The following MACROD2 variants were observed in gnomAD, a reference collection of about 807,000 sequenced individuals.
MACROD2 encodes mono-ADP ribosylhydrolase 2, also known as ADP-ribose glycohydrolase MACROD2.
In MACROD2, 36 loss-of-function variants were observed where a neutral mutation model predicts 70.4. The ratio of observed to expected loss-of-function variants is 0.51; its 90% CI spans 0.39 to 0.68. The LOEUF (loss-of-function observed/expected upper bound fraction) is 0.68. Among genes scored for constraint, MACROD2 ranks in the 30% least tolerant of loss-of-function variants. The pLI, the probability that MACROD2 is intolerant of heterozygous loss-of-function variation, is 0.00. For synonymous variants in MACROD2, 172 were observed against 178.8 expected (o/e 0.96, Z 0.30); for missense variants, 496 against 538.4 (o/e 0.92, Z 0.78).
Position 15,336,143 on chromosome 20 carries a change from G to T in MACROD2, c.541-95262G>T, listed in dbSNP as rs79020525. ...ATTTCTTGAGCACTGGTTGAGCATC[G>T]TGTTAGTAAAATTAAATGTTAATCT... On this transcript the variant is annotated intron_variant, in intron 6 of 17. Transcript: ENST00000684519. Among the ~76,000 whole-genome samples, 3 of 151,594 alleles carry T rather than the reference G, an allele frequency of 2.0e-5. No individual in the cohort carries two copies. In the East Asian group the frequency reaches 5.8e-4, roughly 29 times the overall value.
intron 15 of MACROD2, among the ~76,000 whole-genome samples, chr20:16,003,065 A>G (rs1201551118): frequency 7.9e-6 from 1 of 126,462 alleles, no homozygotes; most frequent in Non-Finnish European, 1.6e-5. Context: ...AACAAAATAG[A>G]AAACCCACCC....
chr20:15,890,715 A>G (rs878962103), intron 10 of MACROD2, among the ~76,000 whole-genome samples: 24 of 152,192 alleles, frequency 1.6e-4, no homozygotes, highest in African/African-American at 5.8e-4. Context: ...CAAAGTTTTT[A>G]ATAGCACATC....
chr20:14,873,878 A>C (rs768122172), intron 5 of MACROD2, among the ~76,000 whole-genome samples: 21 of 152,146 alleles, frequency 1.4e-4, no homozygotes, highest in Non-Finnish European at 2.9e-4. Flanking sequence ...TAAGTAAATA[A>C]AAATAAAATA....
At chr20:15,295,976 A>T (rs893930878) in intron 6 of MACROD2, among the ~76,000 whole-genome samples, 2 of 152,210 alleles carry the variant, frequency 1.3e-5, no homozygotes, top group Non-Finnish European at 2.9e-5. Flanking sequence ...CAGCATGAGC[A>T]CAATCCTATA....
rs1038856647 is a variant in MACROD2 at position 14,179,506 on chromosome 20, C to A, written c.271+93778C>A. Among the ~76,000 whole-genome samples the A allele has an allele frequency of 2.8e-4, 42 of 152,048 alleles. 2 individuals are homozygous for A. Among genetic ancestry groups the A allele is most frequent in the Non-Finnish European group, 5.9e-5 (4 of 67,998 alleles). On this transcript the variant is annotated intron_variant, in intron 3 of 17. Transcript: ENST00000684519. ...TACTATTCTGTCTATCTACTGTGGCCATTCTCCAATTTGCCATTGATTGAT... is the reference window on the plus strand; with the variant it reads ...TACTATTCTGTCTATCTACTGTGGCAATTCTCCAATTTGCCATTGATTGAT...
chr20:15,278,309 C>T (rs1330888442), intron 6 of MACROD2, among the ~76,000 whole-genome samples: 1 of 152,162 alleles, frequency 6.6e-6, no homozygotes, highest in Admixed American at 6.5e-5. Context: ...AAATGACACA[C>T]CTAACCCAAC....
At chr20:15,264,592 GAATGGAGGAACC>G (rs1458220574) in intron 6 of MACROD2, among the ~76,000 whole-genome samples, 1 of 152,178 alleles carries the variant, frequency 6.6e-6, no homozygotes, top group Non-Finnish European at 1.5e-5. Flanking sequence ...ATGAATGGGT[GAATGGAGGAACC>G]ACACTGCAGA....
intron 17 of MACROD2, among the ~76,000 whole-genome samples, chr20:16,045,374 A>G (rs1333755704): frequency 6.6e-6 from 1 of 152,166 alleles, no homozygotes; most frequent in Non-Finnish European, 1.5e-5. Flanking sequence ...TGCTTGCTTC[A>G]TGGCAGCCAA....
rs1195684918 is a variant in MACROD2 at position 14,089,284 on chromosome 20, A to T, written c.271+3556A>T. Among the ~76,000 whole-genome samples the T allele has an allele frequency of 2.6e-5, 4 of 152,270 alleles. No homozygotes were observed. In the East Asian group the frequency reaches 5.8e-4, roughly 22 times the overall value. ...CTCTATTTACAGCTTTCTACTGTGC[A>T]GTTTGTTTGCCTGGTGTGGAAGGAG... On this transcript the variant is annotated intron_variant, in intron 3 of 17. Transcript: ENST00000684519.
intron 5 of MACROD2, among the ~76,000 whole-genome samples, chr20:15,048,757 A>C (rs1338556559): frequency 6.6e-6 from 1 of 152,180 alleles, no homozygotes; most frequent in African/African-American, 2.4e-5. Context: ...AAGCATAAAG[A>C]AGGATAAATG....
At chr20:15,340,682 C>G (rs980528456) in intron 6 of MACROD2, among the ~76,000 whole-genome samples, 1 of 152,076 alleles carries the variant, frequency 6.6e-6, no homozygotes, top group African/African-American at 2.4e-5. Flanking sequence ...GCTTTTAGCA[C>G]CCTTCCGATG....
At chr20:15,203,532 G>A (rs373037481) in intron 5 of MACROD2, among the ~76,000 whole-genome samples, 10 of 151,954 alleles carry the variant, frequency 6.6e-5, no homozygotes, top group African/African-American at 2.4e-4. Context: ...TTGTAAATTG[G>A]CACTTTACAT....
intron 4 of MACROD2, among the ~76,000 whole-genome samples, chr20:14,558,448 A>G (rs1366683648): frequency 6.6e-6 from 1 of 151,772 alleles, no homozygotes; most frequent in African/African-American, 2.4e-5. Context: ...TCTATAAAAA[A>G]TTTGCTTCAA....
At chr20:15,914,307 A>G (rs1009881947) in intron 10 of MACROD2, among the ~76,000 whole-genome samples, 20 of 152,214 alleles carry the variant, frequency 1.3e-4, no homozygotes, top group Non-Finnish European at 2.2e-4. Flanking sequence ...TGGGAGGTGA[A>G]GGTCATTTCA....
At chr20:14,330,566 C>T (rs1161970916) in intron 3 of MACROD2, among the ~76,000 whole-genome samples, 1 of 152,024 alleles carries the variant, frequency 6.6e-6, no homozygotes, top group African/African-American at 2.4e-5. Context: ...AGTTTGCTAA[C>T]TACATACCAA....
At chr20:15,894,336 C>T (rs2064937504) in intron 10 of MACROD2, among the ~76,000 whole-genome samples, 3 of 152,190 alleles carry the variant, frequency 2.0e-5, no homozygotes, top group Non-Finnish European at 4.4e-5. Context: ...GAGGCCAGAG[C>T]ATCTGGCTGC....
chr20:14,898,451 A>T (rs1182518156), intron 5 of MACROD2, among the ~76,000 whole-genome samples: 1 of 152,202 alleles, frequency 6.6e-6, no homozygotes, highest in Admixed American at 6.5e-5. Flanking sequence ...GAAATAGGCC[A>T]GGTGCCGTGG....
chr20:14,093,760 G>A (rs1020130222), intron 3 of MACROD2, among the ~76,000 whole-genome samples: 12 of 152,070 alleles, frequency 7.9e-5, no homozygotes, highest in African/African-American at 2.7e-4. Flanking sequence ...AACAGTGGAG[G>A]TAAAGACAAG....
chr20:14,348,959 T>C (rs1414757651), intron 3 of MACROD2, among the ~76,000 whole-genome samples: 2 of 152,052 alleles, frequency 1.3e-5, no homozygotes, highest in Non-Finnish European at 2.9e-5. Flanking sequence ...TTCCAGCTAC[T>C]TGGGAGGCTG....
Sources: gnomAD v4.1 joint callset for allele counts (sites outside exome capture counted in the v4.1 genomes callset) on GRCh38, gnomAD v4.1.1 for gene constraint, MANE v1.5 for transcripts, NCBI Gene and HGNC (gene_info 2026-07-23, HGNC 2026-07-21) for gene names.